The following OSBPL11 variants were observed in gnomAD, a reference collection of about 807,000 sequenced individuals.
OSBPL11 encodes oxysterol binding protein like 11, also known as oxysterol-binding protein-related protein 11.
In OSBPL11, 33 loss-of-function variants were observed where a neutral mutation model predicts 84.4. That is an observed-to-expected ratio of 0.39 (90% CI 0.30 to 0.52). The LOEUF (loss-of-function observed/expected upper bound fraction) is 0.52. Among genes scored for constraint, OSBPL11 ranks in the 20% least tolerant of loss-of-function variants. The probability of loss-of-function intolerance (pLI) is 0.72; values close to 1 mark genes in which losing one functional copy is unlikely to be tolerated. For missense variants in OSBPL11, 736 were observed against 901.1 expected (o/e 0.82, Z 2.35); for synonymous variants, 276 against 310.2 (o/e 0.89, Z 1.16).
chr3:125,553,241 G>A (rs1559839407), intron 8 of OSBPL11, among the ~76,000 whole-genome samples: 2 of 152,290 alleles, frequency 1.3e-5, no homozygotes, highest in African/African-American at 2.4e-5. Flanking sequence ...AGTATCACCA[G>A]GGAAATGGTG....
At position 125,595,391 on chromosome 3, in the gene OSBPL11, G is replaced by A. The variant is rs1312043496; in HGVS notation, c.-591C>T. ...CGGGGCCGCCTCTCCCAGGGCCAGA[G>A]GCGAGCCACTCGGGACAACTTCCTC... On this transcript the variant is annotated 5_prime_UTR_variant, in exon 1 of 13. Transcript: ENST00000296220. 1.3e-5 allele frequency among the ~76,000 whole-genome samples: 2 copies of A among 152,162 alleles called. No individual in the cohort carries two copies. The highest frequency in any genetic ancestry group is 2.1e-4 in the South Asian group (1 of 4,836).
intron 1 of OSBPL11, among the ~76,000 whole-genome samples, chr3:125,588,478 T>C (rs1395727056): frequency 6.6e-6 from 1 of 152,180 alleles, no homozygotes; most frequent in Non-Finnish European, 1.5e-5. Context: ...TATATATATC[T>C]ACCTATTGGT....
intron 8 of OSBPL11, among the ~76,000 whole-genome samples, chr3:125,554,533 T>C (rs1400010797): frequency 6.6e-6 from 1 of 152,154 alleles, no homozygotes; most frequent in African/African-American, 2.4e-5. Context: ...TTCCCTAAAC[T>C]TAATTGTGAG....
chr3:125,551,549 A>G (rs1233047271), intron 9 of OSBPL11, among the ~76,000 whole-genome samples: 1 of 152,132 alleles, frequency 6.6e-6, no homozygotes, highest in Admixed American at 6.5e-5. Context: ...TGGGTGGATC[A>G]TCAGAGGTCA....
intron 1 of OSBPL11, among the ~76,000 whole-genome samples, chr3:125,593,171 A>G (rs556142801): frequency 2.2e-4 from 33 of 152,308 alleles, no homozygotes; most frequent in Middle Eastern, 6.8e-3. Context: ...CCACAGCCCC[A>G]TAGCAGGTCA....
At chr3:125,568,877 A>G (rs1015636554) in intron 5 of OSBPL11, among the ~76,000 whole-genome samples, 2 of 152,150 alleles carry the variant, frequency 1.3e-5, no homozygotes, top group African/African-American at 4.8e-5. Flanking sequence ...TTTGAACACT[A>G]GTTTAGTTCA....
chr3:125,557,391 AT>A (rs1200759259), intron 8 of OSBPL11, among the ~76,000 whole-genome samples: 1 of 150,886 alleles, frequency 6.6e-6, no homozygotes, highest in Non-Finnish European at 1.5e-5. Flanking sequence ...TTATTTGTTT[AT>A]TTTTTTTGAG....
chr3:125,572,840 A>T (rs967647054), intron 5 of OSBPL11, among the ~76,000 whole-genome samples: 46 of 146,670 alleles, frequency 3.1e-4, no homozygotes, highest in African/African-American at 9.4e-4. Flanking sequence ...ACATATATAT[A>T]TTTTATTTAT....
intron 5 of OSBPL11, among the ~76,000 whole-genome samples, chr3:125,570,579 G>C (rs1936229305): frequency 6.6e-6 from 1 of 152,102 alleles, no homozygotes; most frequent in Admixed American, 6.6e-5. Context: ...GTGTGTTGTG[G>C]GATAGACCCA....
At chr3:125,585,863 CTTTCT>C (rs1176175894) in intron 1 of OSBPL11, among the ~76,000 whole-genome samples, 1 of 152,204 alleles carries the variant, frequency 6.6e-6, no homozygotes, top group Non-Finnish European at 1.5e-5. Flanking sequence ...CTGATTCACA[CTTTCT>C]TTTCTTCTAC....
At chr3:125,542,426 C>T (rs1277216836) in intron 10 of OSBPL11, among the ~76,000 whole-genome samples, 1 of 151,728 alleles carries the variant, frequency 6.6e-6, no homozygotes, top group African/African-American at 2.4e-5. Context: ...ACCTCTGCCT[C>T]CCAGGTTCAA....
chr3:125,576,240 T>C lies in OSBPL11; in HGVS notation c.615A>G (p.Ser205=). ...FFNVGHSKLQ[S]LSKRTNLPPD... ...GAGGTAAATTAGTTCTTTTGCTCAG[T>C]GATTGCAGTTTGGAATGTCCAACAT... is the stretch of plus-strand genomic sequence containing the variant. The change falls in exon 5 of 13, where the codon TCA becomes TCG. Residue 205 remains serine (S), a synonymous_variant. Transcript: ENST00000296220. The C allele has an allele frequency of 6.2e-7, 1 of 1,611,696 alleles. No individual in the cohort carries two copies. Among genetic ancestry groups the C allele is most frequent in the Non-Finnish European group, 8.5e-7 (1 of 1,179,408 alleles).
Position 125,529,043 on chromosome 3 carries a change from TTCA to T in OSBPL11, c.*1469_*1471del, listed in dbSNP as rs1348074956. On this transcript the variant is annotated 3_prime_UTR_variant, in exon 13 of 13. Coordinates refer to ENST00000296220, the MANE Select transcript of OSBPL11 (RefSeq NM_022776.5). ...TTGAAAAAATTATTGTTTTGCTGTT[TTCA>T]TCCTACTAACCTCTTTAACAGAACA... The T allele has an allele frequency of 6.5e-6, 1 of 152,684 alleles. No homozygotes were observed. Among genetic ancestry groups the T allele is most frequent in the Non-Finnish European group, 1.5e-5 (1 of 68,040 alleles). The allele number at this position is 152,684 out of a possible 1,614,324, so 9.5% of individuals were successfully genotyped here.
intron 9 of OSBPL11, 95 bp from the exon 10 acceptor site, chr3:125,547,687 A>G: frequency 1.0e-6 from 1 of 974,278 alleles, no homozygotes; most frequent in Non-Finnish European, 1.5e-6. Context: ...GTAAATAAGC[A>G]TCATTATTTT....
intron 6 of OSBPL11, 128 bp from the exon 7 acceptor site, chr3:125,563,971 G>A: frequency 1.1e-6 from 1 of 942,334 alleles, no homozygotes; most frequent in South Asian, 1.7e-5. Flanking sequence ...AAGAGACCCT[G>A]CAAGACAGCC....
chr3:125,538,418 A>C, intron 11 of OSBPL11, 33 bp downstream of exon 11: 1 of 1,591,940 alleles, frequency 6.3e-7, no homozygotes, highest in Non-Finnish European at 8.6e-7. Context: ...AGAGCATCTG[A>C]CTCTTTCCTG....
chr3:125,586,365 T>C (rs1395762821), intron 1 of OSBPL11, among the ~76,000 whole-genome samples: 2 of 152,188 alleles, frequency 1.3e-5, no homozygotes, highest in Non-Finnish European at 2.9e-5. Flanking sequence ...TTGGGATTAG[T>C]AGTGGAAGCT....
rs1189634946 is a variant in OSBPL11, at chr3:125,581,409, C to T, written c.234-1369G>A. Among the ~76,000 whole-genome samples the T allele has an allele frequency of 2.7e-5, 4 of 149,394 alleles. No homozygotes were observed. In the South Asian group the frequency reaches 6.7e-4, roughly 25 times the overall value. On this transcript the variant is annotated intron_variant, in intron 2 of 12. Transcript: ENST00000296220. ...ATCTGGCCCCTTTTTAAAAAAGGAA[C>T]GCTAGGCCAGACACGGTGGCACACA...
At chr3:125,583,303 G>A (rs979669124) in intron 1 of OSBPL11, among the ~76,000 whole-genome samples, 6 of 151,750 alleles carry the variant, frequency 4.0e-5, no homozygotes, top group African/African-American at 7.3e-5. Flanking sequence ...TGGGATGGCC[G>A]GGCACAGTGG....
Sources: gnomAD v4.1 joint callset for allele counts (sites outside exome capture counted in the v4.1 genomes callset) on GRCh38, gnomAD v4.1.1 for gene constraint, MANE v1.5 for transcripts, NCBI Gene and HGNC (gene_info 2026-07-23, HGNC 2026-07-21) for gene names.